NAV2: variants seen among roughly 807,000 people sequenced by gnomAD.
NAV2 encodes the protein neuron navigator 2.
In NAV2, 54 loss-of-function variants were observed where a neutral mutation model predicts 223.2. The ratio of observed to expected loss-of-function variants is 0.24; its 90% CI spans 0.19 to 0.30. The LOEUF (loss-of-function observed/expected upper bound fraction) is 0.30, where lower values mean the gene tolerates loss of function less well. NAV2 is among the 10% of genes least tolerant of loss of function. The probability of loss-of-function intolerance (pLI) is 1.00; values close to 1 mark genes in which losing one functional copy is unlikely to be tolerated. For synonymous variants in NAV2, 1,279 were observed against 1,239.3 expected (o/e 1.03, Z -0.67); for missense variants, 2,806 against 3,147.5 (o/e 0.89, Z 2.60).
intron 1 of NAV2, among the ~76,000 whole-genome samples, chr11:19,741,542 C>T (rs571652101): frequency 2.1e-5 from 3 of 144,740 alleles, no homozygotes; most frequent in East Asian, 2.0e-4. Context: ...AGAGATCATG[C>T]GGTATTTTTC....
chr11:19,627,959 A>G (rs1690879401), intron 1 of NAV2, among the ~76,000 whole-genome samples: 2 of 151,782 alleles, frequency 1.3e-5, no homozygotes, highest in Admixed American at 6.6e-5. Flanking sequence ...GATAATGATA[A>G]TATCTGGCAG....
intron 1 of NAV2, among the ~76,000 whole-genome samples, chr11:19,722,832 T>A (rs2050868658): frequency 6.6e-6 from 1 of 151,922 alleles, no homozygotes; most frequent in Non-Finnish European, 1.5e-5. Flanking sequence ...AGACACAGAG[T>A]GGGCAACCTG....
intron 8 of NAV2, among the ~76,000 whole-genome samples, chr11:19,940,072 G>T (rs1360145083): frequency 6.6e-6 from 1 of 152,002 alleles, no homozygotes; most frequent in Non-Finnish European, 1.5e-5. Flanking sequence ...GCTCTGGACT[G>T]CACTGATACT....
chr11:19,741,065 G>A (rs2052754738), intron 1 of NAV2, among the ~76,000 whole-genome samples: 1 of 152,230 alleles, frequency 6.6e-6, no homozygotes, highest in Non-Finnish European at 1.5e-5. Flanking sequence ...CATTTTCAAA[G>A]ATGGGAATGT....
chr11:19,561,818 A>G (rs2045108653), intron 1 of NAV2, among the ~76,000 whole-genome samples: 1 of 152,214 alleles, frequency 6.6e-6, no homozygotes, highest in Non-Finnish European at 1.5e-5. Context: ...AAGGCTCCAC[A>G]GCCTGCAAGT....
chr11:19,628,989 C>A (rs1353367667), intron 1 of NAV2, among the ~76,000 whole-genome samples: 4 of 152,186 alleles, frequency 2.6e-5, no homozygotes, highest in African/African-American at 9.7e-5. Flanking sequence ...CCTATGCCCA[C>A]CTTTGTTCCA....
At chr11:19,623,336 G>C (rs138946832) in intron 1 of NAV2, among the ~76,000 whole-genome samples, 2,454 of 152,258 alleles carry the variant, frequency 0.016, 69 homozygotes, top group African/African-American at 0.056. Context: ...AGGAAGTTCT[G>C]CTGGATAATA....
At chr11:19,515,050 C>T (rs181429680) in intron 1 of NAV2, among the ~76,000 whole-genome samples, 55 of 152,208 alleles carry the variant, frequency 3.6e-4, no homozygotes, top group African/African-American at 1.0e-3. Flanking sequence ...GTTTGGGTAC[C>T]GGCTCTGAAT....
At chr11:19,499,763 G>T (rs1340989566) in intron 1 of NAV2, among the ~76,000 whole-genome samples, 1 of 152,174 alleles carries the variant, frequency 6.6e-6, no homozygotes, top group Admixed American at 6.5e-5. Flanking sequence ...GGTTATAAGA[G>T]CACATCAAAT....
chr11:20,019,024 G>C (rs746429919), intron 11 of NAV2, among the ~76,000 whole-genome samples: 1 of 152,204 alleles, frequency 6.6e-6, no homozygotes, highest in African/African-American at 2.4e-5. Context: ...GGGCTTCTAG[G>C]CCAAGGGAAC....
At chr11:19,504,053 A>T (rs1200842233) in intron 1 of NAV2, among the ~76,000 whole-genome samples, 1 of 152,262 alleles carries the variant, frequency 6.6e-6, no homozygotes, top group Non-Finnish European at 1.5e-5. Flanking sequence ...AAAAACACAT[A>T]TAAAAAGATG....
chr11:19,975,242 A>G (rs1394403354), intron 10 of NAV2, among the ~76,000 whole-genome samples: 1 of 152,202 alleles, frequency 6.6e-6, no homozygotes, highest in Non-Finnish European at 1.5e-5. Flanking sequence ...CAATTTTCGA[A>G]CGTGTGCAGC....
intron 26 of NAV2, among the ~76,000 whole-genome samples, chr11:20,088,276 C>G (rs1428402284): frequency 2.6e-5 from 4 of 152,196 alleles, no homozygotes; most frequent in African/African-American, 9.6e-5. Context: ...CTCTCAGGTT[C>G]AAGCGATTCT....
At chr11:19,361,383 T>C (rs780886140) in intron 1 of NAV2, among the ~76,000 whole-genome samples, 2 of 152,232 alleles carry the variant, frequency 1.3e-5, no homozygotes, top group Non-Finnish European at 2.9e-5. Context: ...GTGACAGGCA[T>C]GACTGGGTGT....
chr11:19,437,293 C>A (rs2133657722), intron 1 of NAV2, among the ~76,000 whole-genome samples: 1 of 152,172 alleles, frequency 6.6e-6, no homozygotes, highest in South Asian at 2.1e-4. Flanking sequence ...AACTCAAAAC[C>A]CACTATCTTC....
chr11:20,106,231 G>A (rs1273428530), intron 35 of NAV2, among the ~76,000 whole-genome samples: 5 of 75,850 alleles, frequency 6.6e-5, no homozygotes, highest in African/African-American at 2.2e-4. Flanking sequence ...ATATATATAT[G>A]CTTTATGAAG....
intron 10 of NAV2, among the ~76,000 whole-genome samples, chr11:19,965,607 T>G (rs1385194036): frequency 1.3e-5 from 2 of 152,236 alleles, no homozygotes; most frequent in Non-Finnish European, 2.9e-5. Context: ...ACAAATCCAT[T>G]CCACACATTG....
At chr11:19,883,330 C>CA (rs1161869958) in intron 5 of NAV2, among the ~76,000 whole-genome samples, 12 of 152,200 alleles carry the variant, frequency 7.9e-5, no homozygotes, top group Non-Finnish European at 1.8e-4. Flanking sequence ...ATGACAGCTT[C>CA]ATAGAGGCTC....
chr11:19,644,214 G>C (rs2047752158), intron 1 of NAV2, among the ~76,000 whole-genome samples: 1 of 152,212 alleles, frequency 6.6e-6, no homozygotes, highest in African/African-American at 2.4e-5. Flanking sequence ...GGGAAAAGGT[G>C]TTTCATATCA....
Sources: allele counts gnomAD v4.1 joint callset (sites outside exome capture counted in the v4.1 genomes callset), GRCh38; gene constraint gnomAD v4.1.1; transcripts MANE v1.5; gene names NCBI Gene and HGNC (gene_info 2026-07-23, HGNC 2026-07-21).